Variants in CSMD2 observed in about 807,000 individuals in gnomAD.
CSMD2 encodes the protein CUB and Sushi multiple domains 2.
Under a neutral mutation model 398.5 loss-of-function variants are expected in CSMD2, and 130 were observed. The observed-to-expected ratio is 0.33, with a 90% CI of 0.28 to 0.38. The LOEUF is 0.38. Among genes scored for constraint, CSMD2 ranks in the 10% least tolerant of loss-of-function variants. The probability of loss-of-function intolerance (pLI) is 1.00; values close to 1 mark genes in which losing one functional copy is unlikely to be tolerated. For synonymous variants in CSMD2, 1,828 were observed against 1,908.5 expected, an observed-to-expected ratio of 0.96 and a Z score of 1.10; for missense variants, 3,829 against 4,764.9, an observed-to-expected ratio of 0.80 and a Z score of 5.78.
At chr1:33,693,402 T>A (rs939283889) in intron 24 of CSMD2, among the ~76,000 whole-genome samples, 17 of 152,162 alleles carry the variant, frequency 1.1e-4, no homozygotes, top group African/African-American at 4.1e-4. Context: ...CAATGAGATA[T>A]CACTTCACAC....
At chr1:34,057,523 A>G (rs969250742) in intron 2 of CSMD2, among the ~76,000 whole-genome samples, 6 of 152,200 alleles carry the variant, frequency 3.9e-5, no homozygotes, top group African/African-American at 1.4e-4. Flanking sequence ...TTGGTGTCTC[A>G]GTCCCCGCCC....
chr1:33,782,605 G>C (rs1652923461), intron 12 of CSMD2, among the ~76,000 whole-genome samples: 1 of 152,174 alleles, frequency 6.6e-6, no homozygotes, highest in South Asian at 2.1e-4. Flanking sequence ...CTGTGCACTA[G>C]GAAGGTGGTA....
intron 46 of CSMD2, among the ~76,000 whole-genome samples, chr1:33,584,080 G>T (rs1053439204): frequency 6.6e-6 from 1 of 152,114 alleles, no homozygotes; most frequent in Non-Finnish European, 1.5e-5. Flanking sequence ...ATAAGTTGTG[G>T]GTTCTACTAC....
chr1:34,096,477 C>G lies in CSMD2; in HGVS notation c.188-7284G>C, dbSNP rs55790454. Among the ~76,000 whole-genome samples, 451 of 148,298 alleles carry G rather than the reference C, an allele frequency of 3.0e-3. 2 individuals are homozygous for G. Among genetic ancestry groups the G allele is most frequent in the East Asian group, 0.024 (115 of 4,856 alleles). On this transcript the variant is annotated intron_variant, in intron 1 of 70. Transcript: ENST00000373381. ...GAAAAGAGGAAGTCAAATTGTCCCT[C>G]TTTGCAGACGACATGATTGTATATC...
intron 5 of CSMD2, among the ~76,000 whole-genome samples, chr1:33,861,712 T>C (rs1639524870): frequency 6.6e-6 from 1 of 152,082 alleles, no homozygotes; most frequent in Admixed American, 6.5e-5. Flanking sequence ...GGGCAGAGTG[T>C]GGGAAAGTAG....
intron 11 of CSMD2, among the ~76,000 whole-genome samples, chr1:33,792,167 C>T (rs1452641110): frequency 6.6e-6 from 1 of 152,176 alleles, no homozygotes; most frequent in Non-Finnish European, 1.5e-5. Flanking sequence ...TCCACAAAAC[C>T]TCGATCTCCC....
rs554464438 is a variant in CSMD2, at chr1:33,716,455, G to A, written c.3048C>T (p.Asp1016=). The A allele has an allele frequency of 1.2e-6, 2 of 1,613,878 alleles. No homozygotes were observed. The highest frequency in any genetic ancestry group is 2.7e-5 in the African/African-American group (2 of 74,926). ...FHTFHLESGH[D]YLLITENGSF... ...TGCCGTTCTCAGTGATGAGGAGGTAGTCATGGCCACTTTCCAGGTGGAAGG... is the reference window on the plus strand; with the variant it reads ...TGCCGTTCTCAGTGATGAGGAGGTAATCATGGCCACTTTCCAGGTGGAAGG... The change falls in exon 20 of 71, where the codon GAC becomes GAT. Residue 1016 remains aspartate, a synonymous_variant. Coordinates refer to ENST00000373381, the MANE Select transcript of CSMD2 (RefSeq NM_001281956.2).
At chr1:33,981,967 C>T (rs1490367951) in intron 3 of CSMD2, among the ~76,000 whole-genome samples, 1 of 152,096 alleles carries the variant, frequency 6.6e-6, no homozygotes, top group African/African-American at 2.4e-5. Flanking sequence ...ACACTGGGTG[C>T]CCTGATCAGA....
Position 34,108,182 on chromosome 1 carries a change from T to C in CSMD2, c.188-18989A>G, listed in dbSNP as rs570080151. The stretch of plus-strand genomic sequence containing the variant: ...GAACTGGCCTCATCCCTAAAGAAAA[T>C]AGGCAACTTCAAGCCCTGTGCCCTT... On this transcript the variant is annotated intron_variant, in intron 1 of 70. Transcript: ENST00000373381. Among the ~76,000 whole-genome samples the C allele has an allele frequency of 5.3e-5, 8 of 152,096 alleles. No individual in the cohort carries two copies. The South Asian group carries it at 1.0e-3, about 20-fold the overall frequency.
intron 5 of CSMD2, among the ~76,000 whole-genome samples, chr1:33,899,837 G>A (rs1349180874): frequency 5.3e-5 from 8 of 152,218 alleles, no homozygotes; most frequent in Non-Finnish European, 5.9e-5. Context: ...TTCCCCATGT[G>A]CCCTTCAGGG....
chr1:34,018,058 T>A (rs1437383397), intron 3 of CSMD2, among the ~76,000 whole-genome samples: 3 of 152,190 alleles, frequency 2.0e-5, no homozygotes, highest in South Asian at 2.1e-4. Context: ...CACCCACATC[T>A]CACTGCCTGC....
chr1:34,001,382 T>C (rs1048132997), intron 3 of CSMD2, among the ~76,000 whole-genome samples: 14 of 152,202 alleles, frequency 9.2e-5, no homozygotes, highest in African/African-American at 3.4e-4. Context: ...CTGGTGAAGA[T>C]ACTACATTTC....
In CSMD2 at chr1:33,557,995, T is replaced by C. The variant is rs1658196422; in HGVS notation, c.8555-73A>G. The C allele has an allele frequency of 3.7e-6, 5 of 1,363,406 alleles. No individual in the cohort carries two copies. In the South Asian group the frequency reaches 5.3e-5, roughly 14 times the overall value. The allele number at this position is 1,363,406 out of a possible 1,614,324, so 84.5% of individuals were successfully genotyped here. A position where few individuals can be genotyped will look rare whatever the true frequency, so the allele number is the denominator to read the frequency against. On this transcript the variant is annotated intron_variant, in intron 54 of 70. Coordinates refer to ENST00000373381, the MANE Select transcript of CSMD2 (RefSeq NM_001281956.2). ...AAATCTTCCGAGCAAAACTAGGCAA[T>C]GAAGCAGACCCTGTCGGGAGGGTGA...
chr1:33,602,319 C>T (rs376197948), intron 43 of CSMD2, 50 bp downstream of exon 43: 1 of 1,593,986 alleles, frequency 6.3e-7, no homozygotes, highest in African/African-American at 1.3e-5. Context: ...CAGTGTAGAA[C>T]CCCAGTAATG....
intron 1 of CSMD2, among the ~76,000 whole-genome samples, chr1:34,102,655 A>ATCCCTGTGATCCGG (rs1558390646): frequency 4.4e-4 from 33 of 75,106 alleles, no homozygotes; most frequent in East Asian, 1.6e-3. Context: ...CTGTAATCCA[A>ATCCCTGTGATCCGG]CCATATCCCT....
chr1:34,112,398 C>T (rs1661183881), intron 1 of CSMD2, among the ~76,000 whole-genome samples: 1 of 152,222 alleles, frequency 6.6e-6, no homozygotes. Context: ...TACCTGCTGT[C>T]CAACCGCCTC....
chr1:33,816,319 T>G (rs1374143564), intron 9 of CSMD2, among the ~76,000 whole-genome samples: 1 of 152,142 alleles, frequency 6.6e-6, no homozygotes, highest in Non-Finnish European at 1.5e-5. Flanking sequence ...GTCCCTAAAC[T>G]CTATCAACAC....
At chr1:34,076,016 G>A (rs756011212) in intron 2 of CSMD2, among the ~76,000 whole-genome samples, 23 of 152,276 alleles carry the variant, frequency 1.5e-4, no homozygotes, top group Middle Eastern at 3.4e-3. Context: ...GCAGCCAGAC[G>A]CTGCCTTCTG....
At chr1:33,695,686 T>C (rs1162658895) in intron 24 of CSMD2, among the ~76,000 whole-genome samples, 1 of 152,256 alleles carries the variant, frequency 6.6e-6, no homozygotes, top group East Asian at 1.9e-4. Flanking sequence ...AACGGATCTT[T>C]ATCAAATGCA....
Sources: allele counts gnomAD v4.1 joint callset (sites outside exome capture counted in the v4.1 genomes callset), GRCh38; gene constraint gnomAD v4.1.1; transcripts MANE v1.5; gene names NCBI Gene and HGNC (gene_info 2026-07-23, HGNC 2026-07-21).